Variants in PRKCH observed in about 807,000 individuals in gnomAD.
PRKCH encodes the protein protein kinase C eta type.
PRKCH carries 28 observed loss-of-function variants against 82.5 expected under a neutral mutation model. That is an observed-to-expected ratio of 0.34 (90% confidence interval 0.25 to 0.47). PRKCH has a LOEUF of 0.47. Ranked by LOEUF, PRKCH falls within the 20% of genes least tolerant of loss-of-function variation. The pLI, the probability that PRKCH is intolerant of heterozygous loss-of-function variation, is 1.00. For synonymous variants in PRKCH, 322 were observed against 327.4 expected (o/e 0.98, Z 0.18); for missense variants, 705 against 881.8 (o/e 0.80, Z 2.54).
At chr14:61,513,750 C>A (rs182318898) in intron 10 of PRKCH, among the ~76,000 whole-genome samples, 38 of 152,126 alleles carry the variant, frequency 2.5e-4, no homozygotes, top group African/African-American at 9.2e-4. Context: ...CAAATAGTTT[C>A]GAAAAACTCT....
chr14:61,198,023 G>A (rs2044452959), intron 1 of PRKCH, among the ~76,000 whole-genome samples: 1 of 151,876 alleles, frequency 6.6e-6, no homozygotes, highest in African/African-American at 2.4e-5. Context: ...TAATTGTTTT[G>A]TTTGTAAAAT....
chr14:61,538,995 G>A (rs901804371), intron 12 of PRKCH, among the ~76,000 whole-genome samples: 10 of 152,208 alleles, frequency 6.6e-5, no homozygotes, highest in Non-Finnish European at 1.2e-4. Flanking sequence ...AGTTCGTATA[G>A]CTTGGGCATG....
intron 2 of PRKCH, among the ~76,000 whole-genome samples, chr14:61,433,633 C>T (rs1429815771): frequency 1.3e-5 from 2 of 152,108 alleles, no homozygotes; most frequent in African/African-American, 4.8e-5. Flanking sequence ...ATCATATGAT[C>T]GTGCTATCAG....
chr14:61,284,656 T>C (rs2185448), intron 1 of PRKCH, among the ~76,000 whole-genome samples: 151,750 of 152,332 alleles, frequency 1, 75,591 homozygotes, highest in Middle Eastern at 1. Flanking sequence ...TTTTATTACA[T>C]ATGTTGTGAT....
intron 1 of PRKCH, among the ~76,000 whole-genome samples, chr14:61,367,716 CTTTTTT>C (rs34427789): frequency 2.2e-5 from 3 of 137,378 alleles, no homozygotes; most frequent in South Asian, 2.3e-4. Flanking sequence ...TGGAGAACTC[CTTTTTT>C]TTTTTTTTTT....
At chr14:61,195,720 G>C (rs952451533) in intron 1 of PRKCH, among the ~76,000 whole-genome samples, 3 of 152,318 alleles carry the variant, frequency 2.0e-5, no homozygotes, top group Non-Finnish European at 2.9e-5. Flanking sequence ...AGTTTGGTGA[G>C]GGGTTGCTTC....
intron 10 of PRKCH, among the ~76,000 whole-genome samples, chr14:61,500,687 C>T (rs757776805): frequency 1.3e-5 from 2 of 152,060 alleles, no homozygotes; most frequent in African/African-American, 2.4e-5. Flanking sequence ...AGAAGGTAGT[C>T]ATAAATCCCA....
At chr14:61,425,708 GA>G (rs774004434) in intron 2 of PRKCH, among the ~76,000 whole-genome samples, 4 of 152,194 alleles carry the variant, frequency 2.6e-5, no homozygotes, top group Non-Finnish European at 5.9e-5. Flanking sequence ...GATTGGTTTT[GA>G]AATGTGAAAA....
chr14:61,273,909 T>C (rs1051224453), intron 1 of PRKCH, among the ~76,000 whole-genome samples: 4 of 152,164 alleles, frequency 2.6e-5, no homozygotes, highest in African/African-American at 9.7e-5. Flanking sequence ...CAGCTAATGT[T>C]TGAGGACCCA....
intron 1 of PRKCH, chr14:61,303,983 C>G (rs1481462451): frequency 6.6e-6 from 1 of 151,742 alleles, no homozygotes; most frequent in Non-Finnish European, 1.5e-5. Flanking sequence ...GCTAGTACAA[C>G]TGAAGACTGA....
At chr14:61,518,598 G>T (rs2139988409) in intron 10 of PRKCH, among the ~76,000 whole-genome samples, 1 of 152,212 alleles carries the variant, frequency 6.6e-6, no homozygotes, top group African/African-American at 2.4e-5. Flanking sequence ...AGCGAATGGG[G>T]TTTTTTGGGT....
Position 61,502,080 on chromosome 14 carries a change from T to TTTC in PRKCH, c.1433+16425_1433+16427dup, listed in dbSNP as rs1212825577. ...CTTTTCTTTTCTTTTTTTTTTTTTT[T>TTTC]TTCCGAGATGGAGTCTCACTCTCAC... is the stretch of plus-strand genomic sequence containing the variant. On this transcript the variant is annotated intron_variant, in intron 10 of 13. Transcript: ENST00000332981. Among the ~76,000 whole-genome samples, 8 of 102,632 alleles carry TTTC rather than the reference T, an allele frequency of 7.8e-5. No homozygotes were observed. In the South Asian group the frequency reaches 1.7e-3, roughly 22 times the overall value. The allele number at this position is 102,632 out of a possible 152,430, so 67.3% of individuals were successfully genotyped here.
chr14:61,281,752 C>G (rs1450170100), intron 1 of PRKCH: 3 of 164,648 alleles, frequency 1.8e-5, no homozygotes, highest in African/African-American at 4.9e-5. Context: ...ACCATTTTGT[C>G]TTTTAGGTTA....
intron 2 of PRKCH, among the ~76,000 whole-genome samples, chr14:61,434,584 G>T (rs1438570567): frequency 6.6e-6 from 1 of 152,196 alleles, no homozygotes; most frequent in Non-Finnish European, 1.5e-5. Flanking sequence ...TTTGTAGAAG[G>T]AAACTGTAGG....
chr14:61,484,712 A>ACTGAGTGG (rs1886130201), intron 9 of PRKCH, among the ~76,000 whole-genome samples: 1 of 150,104 alleles, frequency 6.7e-6, no homozygotes, highest in African/African-American at 2.5e-5. Context: ...CTTTTGAAGG[A>ACTGAGTGG]CTGAGTGGTA....
chr14:61,386,780 C>T (rs190745956), intron 1 of PRKCH, among the ~76,000 whole-genome samples: 2 of 152,258 alleles, frequency 1.3e-5, no homozygotes, highest in Admixed American at 1.3e-4. Flanking sequence ...CAGGGGATAG[C>T]ACGGATGTTA....
At chr14:61,332,935 G>A (rs1472592326) in intron 1 of PRKCH, among the ~76,000 whole-genome samples, 4 of 152,172 alleles carry the variant, frequency 2.6e-5, no homozygotes, top group Non-Finnish European at 5.9e-5. Context: ...CGGTGTCAGA[G>A]TTTTGTGGTT....
chr14:61,315,518 GA>G (rs1275543010), intron 1 of PRKCH, among the ~76,000 whole-genome samples: 2 of 152,126 alleles, frequency 1.3e-5, no homozygotes, highest in Non-Finnish European at 2.9e-5. Flanking sequence ...TTATAATACA[GA>G]AGCCAAGGTA....
intron 10 of PRKCH, among the ~76,000 whole-genome samples, chr14:61,508,329 G>A (rs1887240656): frequency 6.6e-6 from 1 of 152,070 alleles, no homozygotes; most frequent in Non-Finnish European, 1.5e-5. Context: ...AGTATCAAAG[G>A]GGAGGGAGCA....
Sources: allele counts gnomAD v4.1 joint callset (sites outside exome capture counted in the v4.1 genomes callset), GRCh38; gene constraint gnomAD v4.1.1; transcripts MANE v1.5; gene names NCBI Gene and HGNC (gene_info 2026-07-23, HGNC 2026-07-21).